STOX2: variants seen among roughly 807,000 people sequenced by gnomAD.
STOX2 encodes the protein storkhead box 2.
In STOX2, 28 loss-of-function variants were observed where a neutral mutation model predicts 60.9. The observed-to-expected ratio is 0.46, with a 90% confidence interval of 0.34 to 0.63. STOX2 has a LOEUF of 0.63. STOX2 is among the 30% of genes least tolerant of loss of function. The pLI is 0.01. For synonymous variants in STOX2, 472 were observed against 463.9 expected, an observed-to-expected ratio of 1.02 and a Z score of -0.22; for missense variants, 1,024 against 1,187.7, an observed-to-expected ratio of 0.86 and a Z score of 2.03.
At chr4:183,826,352 CT>C (rs1309935671) in intron 1 of STOX2, among the ~76,000 whole-genome samples, 10 of 152,274 alleles carry the variant, frequency 6.6e-5, no homozygotes, top group African/African-American at 2.4e-4. Flanking sequence ...ACCTGTTCCC[CT>C]GAGAATGGCT....
intron 1 of STOX2, among the ~76,000 whole-genome samples, chr4:183,924,302 CG>C (rs933471209): frequency 2.6e-5 from 4 of 152,094 alleles, no homozygotes; most frequent in Non-Finnish European, 5.9e-5. Flanking sequence ...GAAACCACTG[CG>C]GGACAGTGGG....
intron 1 of STOX2, among the ~76,000 whole-genome samples, chr4:183,991,810 C>T (rs1733118779): frequency 6.6e-6 from 1 of 152,166 alleles, no homozygotes; most frequent in African/African-American, 2.4e-5. Flanking sequence ...TCCATTATCT[C>T]ATTTAATCCC....
chr4:183,935,050 A>G (rs1255904413), intron 1 of STOX2, among the ~76,000 whole-genome samples: 1 of 152,260 alleles, frequency 6.6e-6, no homozygotes, highest in Non-Finnish European at 1.5e-5. Flanking sequence ...AGTTTGTTCC[A>G]TCTCCAGTTG....
chr4:183,948,539 C>CTTTT, intron 1 of STOX2, among the ~76,000 whole-genome samples: 1 of 30,232 alleles, frequency 3.3e-5, no homozygotes, highest in African/African-American at 7.2e-5. Context: ...AATGCCTTAT[C>CTTTT]CTTTTTTTTT....
At chr4:183,915,070 C>T (rs1190403870) in intron 1 of STOX2, among the ~76,000 whole-genome samples, 1 of 152,232 alleles carries the variant, frequency 6.6e-6, no homozygotes, top group Admixed American at 6.5e-5. Flanking sequence ...CTCATACACA[C>T]AGTCAAAGTC....
intron 2 of STOX2, among the ~76,000 whole-genome samples, chr4:184,003,304 A>T (rs1228476326): frequency 6.6e-6 from 1 of 152,256 alleles, no homozygotes; most frequent in Admixed American, 6.5e-5. Context: ...TAAATAATGG[A>T]AAGAACATAC....
At chr4:183,904,469 G>C (rs1470162759), upstream of STOX2, among the ~76,000 whole-genome samples, 1 of 151,914 alleles carries the variant, frequency 6.6e-6, no homozygotes, top group Non-Finnish European at 1.5e-5. Context: ...TTCTAAAGCT[G>C]TAATCTTTCT....
intron 1 of STOX2, among the ~76,000 whole-genome samples, chr4:183,949,195 A>C (rs1272232032): frequency 6.6e-6 from 1 of 152,208 alleles, no homozygotes; most frequent in African/African-American, 2.4e-5. Context: ...AAGAGGAAGA[A>C]ACAATAAGAG....
At chr4:183,876,542 C>T (rs1740833557) in intron 1 of STOX2, among the ~76,000 whole-genome samples, 1 of 152,188 alleles carries the variant, frequency 6.6e-6, no homozygotes, top group Admixed American at 6.5e-5. Context: ...AGTAGTTAGT[C>T]ATGTTGAGCC....
Position 183,806,998 on chromosome 4 carries a change from A to T in STOX2, c.364+8943A>T, listed in dbSNP as rs1249681580. Among the ~76,000 whole-genome samples the T allele has an allele frequency of 2.0e-5, 3 of 150,494 alleles. No homozygotes were observed. The highest frequency in any genetic ancestry group is 3.0e-5 in the Non-Finnish European group (2 of 67,794). ...TTTTTTTCTTTTTTTTTTGAGACGG[A>T]GTCTTGCTCTGTCGCCCAGGCTGGA... On this transcript the variant is annotated intron_variant, in intron 1 of 2. Coordinates refer to the STOX2 transcript ENST00000513034. This position sits in a 1 kb window ranked among gnomAD's most constrained non-coding sequence, Gnocchi z 4.1.
In STOX2 at chr4:184,022,801, C is replaced by G. The variant is rs1734640219; in HGVS notation, c.*5517C>G. On this transcript the variant is annotated 3_prime_UTR_variant, in exon 4 of 4. Coordinates refer to ENST00000308497, the MANE Select transcript of STOX2 (RefSeq NM_020225.3). ...GAGGTCCTCCTTTCCATTCTCCCACCTAGATACTGACACACCGCCACGGTT... is the reference window on the plus strand; with the variant it reads ...GAGGTCCTCCTTTCCATTCTCCCACGTAGATACTGACACACCGCCACGGTT... 1 of 152,304 alleles carries G rather than the reference C, an allele frequency of 6.6e-6. No individual in the cohort carries two copies. Among genetic ancestry groups the G allele is most frequent in the Non-Finnish European group, 1.5e-5 (1 of 68,156 alleles). 9.4% of individuals were successfully genotyped at this position (152,304 alleles called of 1,614,324 possible). A position where few individuals can be genotyped will look rare whatever the true frequency, so the allele number is the denominator to read the frequency against.
At chr4:183,837,389 G>A (rs1739740023) in intron 1 of STOX2, among the ~76,000 whole-genome samples, 1 of 151,638 alleles carries the variant, frequency 6.6e-6, no homozygotes, top group South Asian at 2.1e-4. Flanking sequence ...CTTCCTATAA[G>A]TGGAATCATA....
chr4:183,919,826 A>C (rs1742047317), intron 1 of STOX2, among the ~76,000 whole-genome samples: 1 of 151,328 alleles, frequency 6.6e-6, no homozygotes, highest in Non-Finnish European at 1.5e-5. Context: ...CTGGTTTCAA[A>C]CTCCTGGGGT....
chr4:183,919,287 A>G (rs1181330819), intron 1 of STOX2, among the ~76,000 whole-genome samples: 2 of 152,248 alleles, frequency 1.3e-5, no homozygotes, highest in Non-Finnish European at 2.9e-5. Context: ...CCTAAGGGCC[A>G]GAAGTGGAGG....
chr4:183,912,010 C>T (rs1282631462), intron 1 of STOX2, among the ~76,000 whole-genome samples: 1 of 152,130 alleles, frequency 6.6e-6, no homozygotes, highest in Non-Finnish European at 1.5e-5. Flanking sequence ...TACACTTTTC[C>T]TGAAGTAGGA....
At chr4:183,835,505 T>G (rs956010583) in intron 1 of STOX2, among the ~76,000 whole-genome samples, 1 of 152,212 alleles carries the variant, frequency 6.6e-6, no homozygotes, top group African/African-American at 2.4e-5. Context: ...ATTACAGGCG[T>G]GAGCCACCGT....
intron 1 of STOX2, among the ~76,000 whole-genome samples, chr4:184,000,801 C>T (rs892293474): frequency 1.3e-5 from 2 of 152,216 alleles, no homozygotes; most frequent in South Asian, 2.1e-4. Context: ...CGCAGCATTG[C>T]GAACTTCGTT....
chr4:183,799,661 CCCG>C (rs1738716028), intron 1 of STOX2, among the ~76,000 whole-genome samples: 1 of 24,592 alleles, frequency 4.1e-5, no homozygotes, highest in Non-Finnish European at 2.5e-4. Flanking sequence ...CTACCCCCTA[CCCG>C]TACTTTTTTG....
At chr4:183,866,127 A>G (rs2111158878) in intron 1 of STOX2, among the ~76,000 whole-genome samples, 1 of 152,278 alleles carries the variant, frequency 6.6e-6, no homozygotes, top group South Asian at 2.1e-4. Flanking sequence ...GTTAATTTTA[A>G]TTCTTTGCGG....
Sources: allele counts gnomAD v4.1 joint callset (sites outside exome capture counted in the v4.1 genomes callset), GRCh38; gene constraint gnomAD v4.1.1; non-coding constraint Gnocchi (gnomAD v3.1); transcripts MANE v1.5; gene names NCBI Gene and HGNC (gene_info 2026-07-23, HGNC 2026-07-21).